Variants in CNTN5 observed in about 807,000 individuals in gnomAD.
The protein encoded by CNTN5 is contactin-5.
In CNTN5, 77 loss-of-function variants were observed where a neutral mutation model predicts 129.1. The observed-to-expected ratio is 0.60, with a 90% CI of 0.50 to 0.72. The LOEUF is 0.72. Ranked by LOEUF, CNTN5 falls within the 30% of genes least tolerant of loss-of-function variation. The pLI is 0.00. For synonymous variants in CNTN5, 509 were observed against 465.6 expected (o/e 1.09, Z -1.20); for missense variants, 1,478 against 1,328.8 (o/e 1.11, Z -1.75).
At chr11:99,103,866 A>G (rs995118428) in intron 1 of CNTN5, among the ~76,000 whole-genome samples, 10 of 152,160 alleles carry the variant, frequency 6.6e-5, no homozygotes, top group Non-Finnish European at 1.2e-4. Flanking sequence ...AAGCCAAAAA[A>G]TGCATGAAGC....
intron 1 of CNTN5, among the ~76,000 whole-genome samples, chr11:99,174,195 C>T (rs1355820812): frequency 5.3e-5 from 8 of 152,076 alleles, no homozygotes; most frequent in Non-Finnish European, 8.8e-5. Flanking sequence ...GACGGGGTTT[C>T]ACCATGTTGG....
At chr11:99,200,617 T>A (rs1184787623) in intron 1 of CNTN5, among the ~76,000 whole-genome samples, 1 of 152,216 alleles carries the variant, frequency 6.6e-6, no homozygotes, top group African/African-American at 2.4e-5. Context: ...TCTCTTCCAA[T>A]ATGGAATAAA....
intron 1 of CNTN5, among the ~76,000 whole-genome samples, chr11:99,158,436 A>G (rs1376226725): frequency 6.6e-6 from 1 of 152,010 alleles, no homozygotes; most frequent in Non-Finnish European, 1.5e-5. Flanking sequence ...TGTTGTTATC[A>G]TTTATTTTAT....
chr11:99,830,602 A>G (rs1415713523), intron 4 of CNTN5, among the ~76,000 whole-genome samples: 1 of 152,156 alleles, frequency 6.6e-6, no homozygotes, highest in Non-Finnish European at 1.5e-5. Context: ...GGGAAATTGT[A>G]TTTTATTTGG....
At chr11:99,145,147 A>G (rs971685726) in intron 1 of CNTN5, among the ~76,000 whole-genome samples, 6 of 152,004 alleles carry the variant, frequency 3.9e-5, no homozygotes, top group Non-Finnish European at 7.4e-5. Context: ...TCAGCTCGCT[A>G]CAACCTCAGC....
intron 9 of CNTN5, among the ~76,000 whole-genome samples, chr11:100,047,259 AC>A (rs11345111): frequency 0.53 from 80,965 of 151,812 alleles, 22,135 homozygotes; most frequent in East Asian, 0.75. Context: ...CTCTTTGAAC[AC>A]CATGGTTCAC....
rs150726950 is a variant in CNTN5, at chr11:99,862,396, C to T, written c.577+17134C>T. On this transcript the variant is annotated intron_variant, in intron 6 of 24. Coordinates refer to ENST00000524871, the MANE Select transcript of CNTN5 (RefSeq NM_014361.4). The stretch of plus-strand genomic sequence containing the variant: ...TTTTCCCTGGATTCTGACATGGAGA[C>T]AAATTACCATCTTCCTATATAACTA... 6.4e-3 allele frequency among the ~76,000 whole-genome samples: 969 copies of T among 152,028 alleles called. 11 individuals are homozygous for T. The highest frequency in any genetic ancestry group is 0.022 in the African/African-American group (920 of 41,482).
At chr11:99,026,552 C>T (rs759720977) in intron 1 of CNTN5, among the ~76,000 whole-genome samples, 24 of 151,298 alleles carry the variant, frequency 1.6e-4, no homozygotes, top group South Asian at 4.2e-4. Flanking sequence ...CTAAAATAAC[C>T]GTATCATTCA....
At chr11:99,480,233 A>T (rs2059587417) in intron 2 of CNTN5, among the ~76,000 whole-genome samples, 1 of 152,140 alleles carries the variant, frequency 6.6e-6, no homozygotes, top group African/African-American at 2.4e-5. Flanking sequence ...CTCTCCTTTT[A>T]TTATCTTCTC....
chr11:99,460,867 C>T (rs1040851239), intron 2 of CNTN5, among the ~76,000 whole-genome samples: 2 of 151,972 alleles, frequency 1.3e-5, no homozygotes, highest in Non-Finnish European at 2.9e-5. Context: ...ACGATCCATC[C>T]ATTCCAATCA....
chr11:99,845,273 T>C lies in CNTN5; in HGVS notation c.577+11T>C, dbSNP rs774319423. ...CACTGCAGTTTGCCTGTGAGTAAAA[T>C]ATATGATTTTTCTATATATATGTAT... On this transcript the variant is annotated intron_variant, in intron 6 of 24. Coordinates refer to ENST00000524871, the MANE Select transcript of CNTN5 (RefSeq NM_014361.4). 1.3e-6 allele frequency: 2 copies of C among 1,582,650 alleles called. No individual in the cohort carries two copies. Among genetic ancestry groups the C allele is most frequent in the Non-Finnish European group, 1.7e-6 (2 of 1,159,196 alleles).
chr11:99,236,856 G>A (rs554051750), intron 1 of CNTN5, among the ~76,000 whole-genome samples: 14 of 152,002 alleles, frequency 9.2e-5, no homozygotes, highest in African/African-American at 3.4e-4. Flanking sequence ...TCTTCATTCA[G>A]TTTGCTCTCG....
Position 99,372,195 on chromosome 11 carries a change from A to G in CNTN5, c.-71+46711A>G, listed in dbSNP as rs114756086. 4.2e-3 allele frequency among the ~76,000 whole-genome samples: 643 copies of G among 152,290 alleles called. 3 individuals are homozygous for G. The highest frequency in any genetic ancestry group is 0.015 in the African/African-American group (618 of 41,568). On this transcript the variant is annotated intron_variant, in intron 2 of 24. Transcript: ENST00000524871. ...TCCTATTGGAGAACATTTAATCAAA[A>G]AGCTTATTCAGTTTTGATCTTTATG... is the stretch of plus-strand genomic sequence containing the variant.
intron 1 of CNTN5, among the ~76,000 whole-genome samples, chr11:99,213,116 G>A (rs543403752): frequency 8.7e-4 from 132 of 151,478 alleles, no homozygotes; most frequent in African/African-American, 3.0e-3. Flanking sequence ...GCTTGAACCC[G>A]GGAGGCGGAG....
intron 6 of CNTN5, among the ~76,000 whole-genome samples, chr11:99,866,519 A>T (rs1304083958): frequency 6.6e-6 from 1 of 152,202 alleles, no homozygotes; most frequent in Non-Finnish European, 1.5e-5. Flanking sequence ...GTGTGGCTAA[A>T]GTCTTCTCAA....
At chr11:99,141,747 GT>G (rs1489511059) in intron 1 of CNTN5, among the ~76,000 whole-genome samples, 1 of 151,924 alleles carries the variant, frequency 6.6e-6, no homozygotes, top group Non-Finnish European at 1.5e-5. Flanking sequence ...TAATTGGATT[GT>G]TTACCCAATA....
intron 9 of CNTN5, among the ~76,000 whole-genome samples, chr11:100,006,830 G>A (rs1940223196): frequency 6.6e-6 from 1 of 151,992 alleles, no homozygotes; most frequent in Non-Finnish European, 1.5e-5. Flanking sequence ...ATCTATCAGT[G>A]GAATAATTAC....
intron 1 of CNTN5, among the ~76,000 whole-genome samples, chr11:99,132,444 G>A (rs1858991021): frequency 6.6e-6 from 1 of 152,244 alleles, no homozygotes; most frequent in East Asian, 1.9e-4. Context: ...TATTTAAATA[G>A]GAAGAGAGGA....
intron 1 of CNTN5, among the ~76,000 whole-genome samples, chr11:99,248,397 T>C (rs1265125512): frequency 6.6e-6 from 1 of 152,212 alleles, no homozygotes; most frequent in Non-Finnish European, 1.5e-5. Flanking sequence ...AAAACTTTTC[T>C]CCCTTTCTGT....
Sources: gnomAD v4.1 joint callset for allele counts (sites outside exome capture counted in the v4.1 genomes callset) on GRCh38, gnomAD v4.1.1 for gene constraint, MANE v1.5 for transcripts, NCBI Gene and HGNC (gene_info 2026-07-23, HGNC 2026-07-21) for gene names.